GAPDHS: variants seen among roughly 807,000 people sequenced by gnomAD.
GAPDHS encodes the protein glyceraldehyde-3-phosphate dehydrogenase, spermatogenic.
In GAPDHS, 42 loss-of-function variants were observed where a neutral mutation model predicts 48.7. That is an observed-to-expected ratio of 0.86 (90% CI 0.67 to 1.12). GAPDHS has a LOEUF of 1.12. GAPDHS is among the 50% of genes most tolerant of loss of function. The probability of loss-of-function intolerance (pLI) is 0.00; values close to 1 mark genes in which losing one functional copy is unlikely to be tolerated. For synonymous variants in GAPDHS, 166 were observed against 219.1 expected (o/e 0.76, Z 2.14); for missense variants, 512 against 557.7 (o/e 0.92, Z 0.82).
chr19:35,538,522 T>C (rs2071480527), intron 3 of GAPDHS, 55 bp from the exon 4 acceptor site: 3 of 1,307,652 alleles, frequency 2.3e-6, no homozygotes, highest in Non-Finnish European at 3.3e-6. Flanking sequence ...GAGGGGACTC[T>C]CTAGGGATCC....
chr19:35,542,550 A>G lies in GAPDHS; in HGVS notation c.601A>G (p.Met201Val), dbSNP rs115806808. The change falls in exon 6 of 11, where the codon ATG becomes GTG. Residue 201 changes from methionine (M) to valine (V), a missense_variant. Physicochemically the swap from Met to Val is conservative, Grantham distance 21 (BLOSUM62 1). Coordinates refer to ENST00000222286, the MANE Select transcript of GAPDHS (RefSeq NM_014364.5). ...VISAPSPDAP[M>V]FVMGVNENDY... ...CTCCGCGCCCTCACCGGATGCACCAATGTTCGTCATGGGTGTCAATGAAAA... is the reference window on the plus strand; with the variant it reads ...CTCCGCGCCCTCACCGGATGCACCAGTGTTCGTCATGGGTGTCAATGAAAA... The G allele has an allele frequency of 7.5e-4, 1,216 of 1,613,982 alleles. 8 individuals are homozygous for G. In the African/African-American group the frequency reaches 0.014, roughly 19 times the overall value.
intron 9 of GAPDHS, chr19:35,544,123 T>C (rs2071527165): frequency 3.1e-6 from 1 of 324,046 alleles, no homozygotes; most frequent in African/African-American, 2.1e-5. Context: ...TGAAATTTCA[T>C]TTCATAGTCA....
rs1404997255 is a variant in GAPDHS, at chr19:35,533,605, C to A, written c.67+11C>A. On this transcript the variant is annotated intron_variant, in intron 1 of 10. Coordinates refer to ENST00000222286, the MANE Select transcript of GAPDHS (RefSeq NM_014364.5). ...GACAGCCGTGCCCGGGTGAGGGAGG[C>A]AGCGGAGGGCGCGGGGGAGGGGTGG... is the stretch of plus-strand genomic sequence containing the variant. The A allele has an allele frequency of 6.2e-7, 1 of 1,605,174 alleles. No individual in the cohort carries two copies. Among genetic ancestry groups the A allele is most frequent in the Non-Finnish European group, 8.5e-7 (1 of 1,175,518 alleles).
At chr19:35,540,275 T>TA (rs1360123058) in intron 4 of GAPDHS, among the ~76,000 whole-genome samples, 1 of 152,216 alleles carries the variant, frequency 6.6e-6, no homozygotes, top group African/African-American at 2.4e-5. Flanking sequence ...CATTAGCAGG[T>TA]ACAGGCCCTG....
At chr19:35,540,074 A>T (rs1448985396) in intron 4 of GAPDHS, among the ~76,000 whole-genome samples, 1 of 152,250 alleles carries the variant, frequency 6.6e-6, no homozygotes, top group East Asian at 1.9e-4. Flanking sequence ...ACCTTGGGCA[A>T]GGAACCAAAC....
chr19:35,543,163 A>T, intron 7 of GAPDHS, 137 bp downstream of exon 7: 2 of 978,044 alleles, frequency 2.0e-6, no homozygotes, highest in Non-Finnish European at 3.2e-6. Flanking sequence ...GAAGTCACTT[A>T]AAACACTGTG....
At chr19:35,544,058 T>A in intron 9 of GAPDHS, 2 of 622,122 alleles carry the variant, frequency 3.2e-6, no homozygotes, top group Non-Finnish European at 4.9e-6. Context: ...GGAACCTCCC[T>A]CTTCAGCAAG....
At chr19:35,539,058 C>T (rs1046767689) in intron 4 of GAPDHS, among the ~76,000 whole-genome samples, 1 of 152,132 alleles carries the variant, frequency 6.6e-6, no homozygotes, top group Non-Finnish European at 1.5e-5. Flanking sequence ...GCACCAGCCA[C>T]CACACCTGGC....
At position 35,545,273 on chromosome 19, in the gene GAPDHS, C is replaced by T. The variant is rs2071539125; in HGVS notation, c.*103C>T. 1.1e-6 allele frequency: 1 copy of T among 902,092 alleles called. No homozygotes were observed. The highest frequency in any genetic ancestry group is 1.8e-6 in the Non-Finnish European group (1 of 541,140). The allele number at this position is 902,092 out of a possible 1,614,324, so 55.9% of individuals were successfully genotyped here. Reference sequence around the variant, plus strand: ...GGGGAGGAAGGACACCCGGGGCGGGCGCCCCACGCCGATGGGTCCATGGTG... The same window carrying T: ...GGGGAGGAAGGACACCCGGGGCGGGTGCCCCACGCCGATGGGTCCATGGTG... On this transcript the variant is annotated 3_prime_UTR_variant, in exon 11 of 11. Transcript: ENST00000222286.
intron 2 of GAPDHS, 125 bp from the exon 3 acceptor site, chr19:35,538,182 C>A (rs1019013902): frequency 4.7e-5 from 31 of 653,066 alleles, no homozygotes; most frequent in Non-Finnish European, 8.2e-5. Flanking sequence ...CAAGAGATGC[C>A]CATGGCCAGC....
At position 35,538,531 on chromosome 19, in the gene GAPDHS, C is replaced by A. The variant is rs2071480608; in HGVS notation, c.343-46C>A. ...ACCAAAGAGGGGACTCTCTAGGGAT[C>A]CTCACCCTGCCACCCCAAGACTAGG... On this transcript the variant is annotated intron_variant, in intron 3 of 10. Transcript: ENST00000222286. The A allele has an allele frequency of 3.0e-6, 4 of 1,340,386 alleles. No individual in the cohort carries two copies. The African/African-American group carries it at 5.7e-5, about 19-fold the overall frequency. 83.0% of individuals were successfully genotyped at this position (1,340,386 alleles called of 1,614,324 possible).
chr19:35,543,078 T>A, intron 7 of GAPDHS, 52 bp downstream of exon 7: 3 of 1,377,506 alleles, frequency 2.2e-6, no homozygotes, highest in Non-Finnish European at 3.1e-6. Flanking sequence ...GAAACCCAAC[T>A]TCTTCCCGGG....
intron 1 of GAPDHS, among the ~76,000 whole-genome samples, chr19:35,533,909 G>T (rs796276069): frequency 1.8e-4 from 27 of 152,320 alleles, no homozygotes; most frequent in African/African-American, 6.3e-4. Context: ...GCGGGCTTAG[G>T]AGGGGCTTAG....
chr19:35,537,031 G>A lies in GAPDHS; in HGVS notation c.245+41G>A, dbSNP rs374609054. 41 of 1,495,752 alleles carry A rather than the reference G, an allele frequency of 2.7e-5. No homozygotes were observed. The African/African-American group carries it at 4.8e-4, about 18-fold the overall frequency. 92.7% of individuals were successfully genotyped at this position (1,495,752 alleles called of 1,614,324 possible). A position where few individuals can be genotyped will look rare whatever the true frequency, so the allele number is the denominator to read the frequency against. On this transcript the variant is annotated intron_variant, in intron 2 of 10. Coordinates refer to ENST00000222286, the MANE Select transcript of GAPDHS (RefSeq NM_014364.5). Reference sequence around the variant, plus strand: ...CCCCTGATCAGTCTGAAGCCTTAGAGCCCAGCCCCTCCTCTGGCTGCTAAC... The same window carrying A: ...CCCCTGATCAGTCTGAAGCCTTAGAACCCAGCCCCTCCTCTGGCTGCTAAC...
chr19:35,544,972 G>A lies in GAPDHS; in HGVS notation c.1120G>A (p.Ala374Thr). 6.2e-7 allele frequency: 1 copy of A among 1,613,950 alleles called. No homozygotes were observed. The highest frequency in any genetic ancestry group is 2.2e-5 in the East Asian group (1 of 44,878). ...CATCTTCGATGCTAAGGCCGGCATT[G>A]CGCTCAATGACAATTTCGTGAAGCT... ...SSIFDAKAGI[A>T]LNDNFVKLIS... Residue 374 changes from alanine to threonine, a missense_variant, in exon 10 of 11, where the codon GCG (alanine) becomes ACG (threonine). By Grantham distance (58) the Ala-to-Thr change is moderately conservative. Coordinates refer to ENST00000222286, the MANE Select transcript of GAPDHS (RefSeq NM_014364.5).
intron 9 of GAPDHS, 38 bp from the exon 10 acceptor site, chr19:35,544,871 C>T: frequency 1.5e-6 from 2 of 1,295,454 alleles, no homozygotes; most frequent in Non-Finnish European, 2.2e-6. Flanking sequence ...GGTCCTTGCT[C>T]TGCCGGACAC....
chr19:35,539,860 A>G (rs1198293996), intron 4 of GAPDHS, among the ~76,000 whole-genome samples: 3 of 152,150 alleles, frequency 2.0e-5, no homozygotes, highest in Non-Finnish European at 4.4e-5. Context: ...GGCCACCACC[A>G]TTACCGCCAC....
intron 1 of GAPDHS, among the ~76,000 whole-genome samples, 162 bp downstream of exon 1, chr19:35,533,756 C>T (rs1409782234): frequency 6.6e-6 from 1 of 152,222 alleles, no homozygotes; most frequent in Non-Finnish European, 1.5e-5. Flanking sequence ...CGCCAGTGTG[C>T]TGGCAGAGTG....
Position 35,543,203 on chromosome 19 carries a change from T to G in GAPDHS, c.742-137T>G, listed in dbSNP as rs908279457. The G allele has an allele frequency of 7.1e-6, 8 of 1,130,396 alleles. No individual in the cohort carries two copies. The African/African-American group carries it at 1.2e-4, about 17-fold the overall frequency. 70.0% of individuals were successfully genotyped at this position (1,130,396 alleles called of 1,614,324 possible). A position where few individuals can be genotyped will look rare whatever the true frequency, so the allele number is the denominator to read the frequency against. On this transcript the variant is annotated intron_variant, in intron 7 of 10. Coordinates refer to ENST00000222286, the MANE Select transcript of GAPDHS (RefSeq NM_014364.5). Reference sequence around the variant, plus strand: ...CCTCAGGCAAGGCTGGACCCTGGCCTGCACACATCCCCTCCTGTGGTCTGT... The same window carrying G: ...CCTCAGGCAAGGCTGGACCCTGGCCGGCACACATCCCCTCCTGTGGTCTGT...
Sources: gnomAD v4.1 joint callset for allele counts (sites outside exome capture counted in the v4.1 genomes callset) on GRCh38, gnomAD v4.1.1 for gene constraint, MANE v1.5 for transcripts, NCBI Gene and HGNC (gene_info 2026-07-23, HGNC 2026-07-21) for gene names.